Variants in ESRRG observed in about 807,000 individuals in gnomAD.
ESRRG encodes the protein estrogen related receptor gamma, also known as estrogen-related receptor gamma.
Under a neutral mutation model 44.0 loss-of-function variants are expected in ESRRG, and 13 were observed. The ratio of observed to expected loss-of-function variants is 0.30; its 90% confidence interval spans 0.19 to 0.47. The LOEUF is 0.47. Among genes scored for constraint, ESRRG ranks in the 20% least tolerant of loss-of-function variants. The pLI is 1.00. For synonymous variants in ESRRG, 215 were observed against 214.6 expected (o/e 1.00, Z -0.02); for missense variants, 395 against 580.6 (o/e 0.68, Z 3.29).
chr1:216,951,491 C>T (rs753053911), intron 1 of ESRRG, among the ~76,000 whole-genome samples: 3 of 152,020 alleles, frequency 2.0e-5, no homozygotes, highest in Non-Finnish European at 2.9e-5. Context: ...ATTGATCTTA[C>T]GGGCTTGTGA....
chr1:216,821,142 G>C (rs1458711094), intron 2 of ESRRG, among the ~76,000 whole-genome samples: 1 of 152,176 alleles, frequency 6.6e-6, no homozygotes, highest in Non-Finnish European at 1.5e-5. Flanking sequence ...CAGTTGGAAA[G>C]AGAAGCCATT....
chr1:217,005,788 T>TCCC (rs1333549038), intron 1 of ESRRG, among the ~76,000 whole-genome samples: 25 of 151,968 alleles, frequency 1.6e-4, no homozygotes, highest in Non-Finnish European at 2.7e-4. Flanking sequence ...TCTCTCTTCT[T>TCCC]TTTTTCTAAG....
At chr1:217,029,911 T>C (rs374750598) in intron 1 of ESRRG, among the ~76,000 whole-genome samples, 63 of 152,318 alleles carry the variant, frequency 4.1e-4, no homozygotes, top group South Asian at 1.7e-3. Context: ...ACGCTCTTTC[T>C]TCCATTTGCT....
intron 2 of ESRRG, among the ~76,000 whole-genome samples, chr1:216,859,570 C>T (rs1319633895): frequency 1.3e-5 from 2 of 152,092 alleles, no homozygotes; most frequent in Admixed American, 6.5e-5. Flanking sequence ...GGTACTAGTG[C>T]CCAGTGCTTA....
At chr1:216,616,064 G>C (rs915766353) in intron 3 of ESRRG, among the ~76,000 whole-genome samples, 7 of 152,106 alleles carry the variant, frequency 4.6e-5, no homozygotes, top group South Asian at 4.1e-4. Context: ...TCTATAGCCA[G>C]GATAAAGCAT....
intron 2 of ESRRG, among the ~76,000 whole-genome samples, chr1:216,910,457 C>G (rs2060179078): frequency 6.6e-6 from 1 of 152,134 alleles, no homozygotes; most frequent in Non-Finnish European, 1.5e-5. Context: ...ACAAGCACTC[C>G]AATGAATTAA....
At chr1:216,714,557 A>G in intron 1 of ESRRG, 1 of 980,212 alleles carries the variant, frequency 1.0e-6, no homozygotes, top group Non-Finnish European at 1.2e-6. Context: ...GCTGTCACAT[A>G]TGGTGACCAC....
intron 5 of ESRRG, among the ~76,000 whole-genome samples, chr1:216,559,459 T>C (rs2058276928): frequency 6.6e-6 from 1 of 152,160 alleles, no homozygotes; most frequent in Non-Finnish European, 1.5e-5. Context: ...ACATTTTTAG[T>C]CAACAAATCA....
intron 1 of ESRRG, among the ~76,000 whole-genome samples, chr1:216,975,864 T>C (rs905221228): frequency 6.6e-6 from 1 of 152,186 alleles, no homozygotes; most frequent in Non-Finnish European, 1.5e-5. Flanking sequence ...TCTTCACATA[T>C]ATCATTTGAA....
chr1:217,058,647 AG>A (rs1212589616), intron 1 of ESRRG, among the ~76,000 whole-genome samples: 1 of 152,150 alleles, frequency 6.6e-6, no homozygotes, highest in Non-Finnish European at 1.5e-5. Flanking sequence ...TAACCACATT[AG>A]TACTAGTATT....
intron 2 of ESRRG, among the ~76,000 whole-genome samples, chr1:216,776,276 C>T (rs2093610156): frequency 6.6e-6 from 1 of 152,040 alleles, no homozygotes; most frequent in African/African-American, 2.4e-5. Flanking sequence ...ATACCCTGTC[C>T]TTTGCACATA....
chr1:217,090,897 C>CA (rs2092333293), upstream of ESRRG, among the ~76,000 whole-genome samples: 1 of 152,188 alleles, frequency 6.6e-6, no homozygotes, highest in Admixed American at 6.5e-5. Context: ...GGAGTGGTCT[C>CA]AAGAACAATC....
chr1:217,117,212 T>A (rs906556042), intron 1 of ESRRG, among the ~76,000 whole-genome samples: 4 of 152,168 alleles, frequency 2.6e-5, no homozygotes, highest in Admixed American at 2.6e-4. Flanking sequence ...CTTAGTTATA[T>A]GTAAGATGAA....
At chr1:216,846,169 T>G (rs1416939385) in intron 2 of ESRRG, among the ~76,000 whole-genome samples, 1 of 152,162 alleles carries the variant, frequency 6.6e-6, no homozygotes, top group African/African-American at 2.4e-5. Context: ...CATCTTTACA[T>G]GGTCAATATC....
chr1:217,005,161 A>G (rs1328047308), intron 1 of ESRRG, among the ~76,000 whole-genome samples: 1 of 152,076 alleles, frequency 6.6e-6, no homozygotes, highest in Middle Eastern at 3.2e-3. Flanking sequence ...TTTATGTCTT[A>G]TTTTCATTAG....
chr1:216,711,206 A>G (rs2083523363), intron 1 of ESRRG, among the ~76,000 whole-genome samples: 1 of 152,136 alleles, frequency 6.6e-6, no homozygotes, highest in African/African-American at 2.4e-5. Context: ...GGACAGCTCC[A>G]ATAGGAGCTG....
At chr1:216,762,129 A>T (rs2092812116) in intron 2 of ESRRG, among the ~76,000 whole-genome samples, 1 of 152,146 alleles carries the variant, frequency 6.6e-6, no homozygotes, top group Non-Finnish European at 1.5e-5. Flanking sequence ...TAAATTGCCC[A>T]AGGCTCTGGA....
chr1:216,620,781 C>T (rs1324876760), intron 3 of ESRRG, among the ~76,000 whole-genome samples: 1 of 152,138 alleles, frequency 6.6e-6, no homozygotes, highest in Non-Finnish European at 1.5e-5. Flanking sequence ...ATACCCTTAT[C>T]CACTGTCCTT....
chr1:216,973,863 G>T (rs149606642), intron 1 of ESRRG, among the ~76,000 whole-genome samples: 1 of 150,790 alleles, frequency 6.6e-6, no homozygotes, highest in South Asian at 2.1e-4. Context: ...ATGAATGAAT[G>T]AATAGATGAA....
Sources: gnomAD v4.1 joint callset for allele counts (sites outside exome capture counted in the v4.1 genomes callset) on GRCh38, gnomAD v4.1.1 for gene constraint, MANE v1.5 for transcripts, NCBI Gene and HGNC (gene_info 2026-07-23, HGNC 2026-07-21) for gene names.